CRACDL: variants seen among roughly 807,000 people sequenced by gnomAD.
CRACDL encodes the protein CRACD like, also known as CRACD-like protein.
A neutral mutation model predicts 70.6 loss-of-function variants in CRACDL; 26 were observed. That is an observed-to-expected ratio of 0.37 (90% CI 0.27 to 0.51). CRACDL has a LOEUF of 0.51. Ranked by LOEUF, CRACDL falls within the 20% of genes least tolerant of loss-of-function variation. The pLI is 0.94. For synonymous variants in CRACDL, 618 were observed against 615.2 expected (o/e 1.00, Z -0.07); for missense variants, 1,283 against 1,376.9 (o/e 0.93, Z 1.08).
intron 1 of CRACDL, among the ~76,000 whole-genome samples, chr2:98,876,551 G>A (rs72813010): frequency 4.5e-4 from 68 of 152,328 alleles, no homozygotes; most frequent in Non-Finnish European, 8.1e-4. Flanking sequence ...CTCCTTATGA[G>A]AATCTGGCTA....
At chr2:98,796,370 C>G in intron 8 of CRACDL, 106 bp from the exon 9 acceptor site, 25 of 1,155,258 alleles carry the variant, frequency 2.2e-5, no homozygotes, top group South Asian at 2.7e-5. Flanking sequence ...GATGCCTGCA[C>G]TGCTGGCACT....
At chr2:98,826,074 C>T (rs927679031) in intron 6 of CRACDL, among the ~76,000 whole-genome samples, 4 of 152,204 alleles carry the variant, frequency 2.6e-5, no homozygotes, top group East Asian at 1.9e-4. Context: ...AGGGGGGACG[C>T]GTTACAGTGC....
intron 7 of CRACDL, among the ~76,000 whole-genome samples, 156 bp from the exon 8 acceptor site, chr2:98,797,693 A>T (rs1272225133): frequency 6.6e-6 from 1 of 152,216 alleles, no homozygotes; most frequent in African/African-American, 2.4e-5. Flanking sequence ...TTTCTTATTA[A>T]AGATGCATCA....
At chr2:98,798,558 G>C (rs1376068310) in intron 7 of CRACDL, among the ~76,000 whole-genome samples, 1 of 150,646 alleles carries the variant, frequency 6.6e-6, no homozygotes, top group Non-Finnish European at 1.5e-5. Flanking sequence ...TTTGGGTGGT[G>C]AAATTGTGGG....
intron 7 of CRACDL, among the ~76,000 whole-genome samples, chr2:98,803,684 C>T (rs1408177488): frequency 6.6e-6 from 1 of 152,228 alleles, no homozygotes; most frequent in Non-Finnish European, 1.5e-5. Flanking sequence ...CAGGTCTTCA[C>T]AACATTCTCT....
At chr2:98,849,713 G>T (rs554729524) in intron 1 of CRACDL, among the ~76,000 whole-genome samples, 4 of 151,712 alleles carry the variant, frequency 2.6e-5, no homozygotes, top group Non-Finnish European at 4.4e-5. Context: ...GGAGGCAAAG[G>T]TTGCCCACCG....
At chr2:98,893,134 T>C (rs1708021503) in intron 1 of CRACDL, among the ~76,000 whole-genome samples, 1 of 152,094 alleles carries the variant, frequency 6.6e-6, no homozygotes. Flanking sequence ...GGGAGGGAAA[T>C]GGGCTCCTTG....
intron 1 of CRACDL, among the ~76,000 whole-genome samples, chr2:98,921,330 C>A (rs973940387): frequency 6.6e-6 from 1 of 152,238 alleles, no homozygotes; most frequent in African/African-American, 2.4e-5. Context: ...GGCCAATCTG[C>A]GTCCCAGGTG....
chr2:98,904,752 T>G (rs189316766), intron 1 of CRACDL, among the ~76,000 whole-genome samples: 1 of 152,372 alleles, frequency 6.6e-6, no homozygotes, highest in East Asian at 1.9e-4. Flanking sequence ...TTGTAATTTC[T>G]TTTCCTTTTT....
chr2:98,924,712 C>T (rs1265990042), intron 1 of CRACDL, among the ~76,000 whole-genome samples: 2 of 152,210 alleles, frequency 1.3e-5, no homozygotes, highest in Non-Finnish European at 2.9e-5. Flanking sequence ...CACCTCCTTC[C>T]TCCTACTCCT....
At chr2:98,861,734 T>C (rs1706945209) in intron 1 of CRACDL, among the ~76,000 whole-genome samples, 1 of 152,192 alleles carries the variant, frequency 6.6e-6, no homozygotes, top group Non-Finnish European at 1.5e-5. Context: ...TGGAGTCAAC[T>C]GAAGGCTTGC....
intron 1 of CRACDL, among the ~76,000 whole-genome samples, chr2:98,858,009 A>G (rs766632208): frequency 1.3e-5 from 2 of 152,252 alleles, no homozygotes; most frequent in African/African-American, 4.8e-5. Context: ...AATCAAAAAC[A>G]GAAAGAATTT....
Position 98,822,284 on chromosome 2 carries a change from C to A in CRACDL, c.1989G>T (p.Thr663=), listed in dbSNP as rs752037635. The change falls in exon 7 of 10, where the codon ACG becomes ACT. Residue 663 remains threonine (T), a synonymous_variant. Transcript: ENST00000397899. The surrounding 1 kb of genome is among the most constrained non-coding windows in gnomAD (Gnocchi z 4.9). ...CCTGGGCGGCTGGGCAGGGCTCTCT[C>A]GTGCCGGGCGCGGCGGCCGCCTCCT... ...SPQEAAAAPG[T]REPCPAAQEP... 1.3e-6 allele frequency: 2 copies of A among 1,561,616 alleles called. No homozygotes were observed. The highest frequency in any genetic ancestry group is 1.7e-6 in the Non-Finnish European group (2 of 1,163,580).
At chr2:98,818,618 A>C (rs1160053234) in intron 7 of CRACDL, among the ~76,000 whole-genome samples, 1 of 152,208 alleles carries the variant, frequency 6.6e-6, no homozygotes, top group Non-Finnish European at 1.5e-5. Context: ...TTGTTATTAA[A>C]ACTTTCATTA....
intron 1 of CRACDL, among the ~76,000 whole-genome samples, chr2:98,876,257 T>C (rs575413532): frequency 9.8e-4 from 150 of 152,342 alleles, no homozygotes; most frequent in Non-Finnish European, 1.6e-3. Context: ...ACCTTGAAAG[T>C]TTAGTAACTG....
At chr2:98,912,256 CAA>C (rs1312577602) in intron 1 of CRACDL, among the ~76,000 whole-genome samples, 3 of 152,218 alleles carry the variant, frequency 2.0e-5, no homozygotes, top group Non-Finnish European at 4.4e-5. Context: ...AGGCAGTTCG[CAA>C]AGAGTGAAAG....
intron 1 of CRACDL, among the ~76,000 whole-genome samples, chr2:98,859,328 A>G (rs886111891): frequency 1.3e-5 from 2 of 152,330 alleles, no homozygotes; most frequent in Admixed American, 1.3e-4. Context: ...TTAATGCAAA[A>G]GCCATATTAA....
chr2:98,844,725 C>T (rs1026172764), intron 2 of CRACDL, among the ~76,000 whole-genome samples: 2 of 152,162 alleles, frequency 1.3e-5, no homozygotes, highest in East Asian at 1.9e-4. Flanking sequence ...GCCTTAGATG[C>T]CTGGTTATTA....
At chr2:98,921,313 G>A (rs577584721) in intron 1 of CRACDL, among the ~76,000 whole-genome samples, 2 of 152,340 alleles carry the variant, frequency 1.3e-5, no homozygotes, top group Admixed American at 6.5e-5. Context: ...AAGTGGTGCC[G>A]ATACTGGGCC....
Sources: gnomAD v4.1 joint callset for allele counts (sites outside exome capture counted in the v4.1 genomes callset) on GRCh38, gnomAD v4.1.1 for gene constraint, Gnocchi (gnomAD v3.1) non-coding constraint, MANE v1.5 for transcripts, NCBI Gene and HGNC (gene_info 2026-07-23, HGNC 2026-07-21) for gene names.